Variants in CDH3 observed in about 807,000 individuals in gnomAD.
CDH3 encodes cadherin-3.
CDH3 carries 54 observed loss-of-function variants against 82.0 expected under a neutral mutation model. The ratio of observed to expected loss-of-function variants is 0.66; its 90% CI spans 0.53 to 0.83. The LOEUF is 0.83. CDH3 is among the 40% of genes least tolerant of loss of function. The pLI, the probability that CDH3 is intolerant of heterozygous loss-of-function variation, is 0.00. For missense variants in CDH3, 1,054 were observed against 1,084.6 expected (o/e 0.97, Z 0.40); for synonymous variants, 446 against 437.9 (o/e 1.02, Z -0.23).
chr16:68,653,195 A>G (rs1960298635), intron 2 of CDH3, among the ~76,000 whole-genome samples: 1 of 151,932 alleles, frequency 6.6e-6, no homozygotes, highest in Non-Finnish European at 1.5e-5. Context: ...CCCTATGCTA[A>G]GAGACAGCAA....
chr16:68,701,588 G>A (rs527420945), downstream of CDH3, among the ~76,000 whole-genome samples: 14 of 146,472 alleles, frequency 9.6e-5, 1 homozygote, highest in African/African-American at 3.0e-4. Context: ...CTCTCCCCCC[G>A]GGGCTAGAGT....
At chr16:68,677,476 G>A (rs775294718) in intron 3 of CDH3, among the ~76,000 whole-genome samples, 9 of 152,180 alleles carry the variant, frequency 5.9e-5, no homozygotes, top group African/African-American at 1.4e-4. Flanking sequence ...GGTGGCTCAC[G>A]CGTGTAATCC....
chr16:68,726,294 A>C (rs915362992), intron 2 of CDH3, among the ~76,000 whole-genome samples: 2 of 152,218 alleles, frequency 1.3e-5, no homozygotes, highest in African/African-American at 4.8e-5. Context: ...AGCCCTGGTC[A>C]CCTGCTCCCC....
intron 1 of CDH3, among the ~76,000 whole-genome samples, chr16:68,715,732 T>C (rs1436207410): frequency 6.6e-6 from 1 of 152,222 alleles, no homozygotes; most frequent in Non-Finnish European, 1.5e-5. Flanking sequence ...TTAACATTGC[T>C]TTGCTGATGA....
At chr16:68,659,956 A>G (rs1021111482) in intron 2 of CDH3, among the ~76,000 whole-genome samples, 3 of 152,304 alleles carry the variant, frequency 2.0e-5, no homozygotes, top group Admixed American at 1.3e-4. Flanking sequence ...ATACACATCT[A>G]TCTTGTTTTT....
intron 1 of CDH3, among the ~76,000 whole-genome samples, chr16:68,718,980 C>A (rs1283487746): frequency 6.6e-6 from 1 of 151,980 alleles, no homozygotes; most frequent in Non-Finnish European, 1.5e-5. Flanking sequence ...GGCTCCCTCA[C>A]GCCTGTAATC....
chr16:68,657,417 G>A (rs1960434840), intron 2 of CDH3, among the ~76,000 whole-genome samples: 1 of 152,192 alleles, frequency 6.6e-6, no homozygotes, highest in African/African-American at 2.4e-5. Context: ...GGGAGGCTGA[G>A]GTAGAAGAAT....
chr16:68,684,633 C>A lies in CDH3; in HGVS notation c.1233C>A (p.Thr411=), dbSNP rs1961347311. The A allele has an allele frequency of 6.2e-7, 1 of 1,614,054 alleles. No homozygotes were observed. Among genetic ancestry groups the A allele is most frequent in the Non-Finnish European group, 8.5e-7 (1 of 1,180,024 alleles). ...AGCACACCCTGTACGTTGAAGTGAC[C>A]AACGAGGCCCCTTTTGTGCTGAAGC... ...KNQHTLYVEV[T]NEAPFVLKLP... Residue 411 remains threonine (T), a synonymous_variant, in exon 10 of 16, where the codon ACC becomes ACA. Coordinates refer to ENST00000264012, the MANE Select transcript of CDH3 (RefSeq NM_001793.6).
chr16:68,695,726 G>T, intron 14 of CDH3, 51 bp from the exon 15 acceptor site: 1 of 1,602,472 alleles, frequency 6.2e-7, no homozygotes, highest in Non-Finnish European at 8.5e-7. Flanking sequence ...AGTGGCAGGG[G>T]AGTGGGGGAC....
downstream of CDH3, among the ~76,000 whole-genome samples, chr16:68,702,010 G>T (rs995912647): frequency 2.0e-4 from 31 of 151,770 alleles, no homozygotes; most frequent in African/African-American, 7.3e-4. Flanking sequence ...GGCAACAAGA[G>T]TGAAACTCCA....
intron 1 of CDH3, among the ~76,000 whole-genome samples, chr16:68,720,784 C>T (rs948959944): frequency 6.6e-6 from 1 of 151,996 alleles, no homozygotes; most frequent in Middle Eastern, 3.4e-3. Context: ...ACCACGCCGA[C>T]TAATTTTTGT....
Position 68,695,374 on chromosome 16 carries a change from G to T in CDH3, c.2122G>T (p.Glu708Ter). 1 of 1,611,588 alleles carries T rather than the reference G, an allele frequency of 6.2e-7. No individual in the cohort carries two copies. The change falls in exon 14 of 16, where the codon GAA becomes TAA. Residue 708 changes from glutamate to a stop codon, truncating the protein, a stop_gained. Coordinates refer to ENST00000264012, the MANE Select transcript of CDH3 (RefSeq NM_001793.6). LOFTEE classifies it high-confidence loss of function. The stretch of plus-strand genomic sequence containing the variant: ...CTACTATGGCGAAGAGGGGGGTGGC[G>T]AAGAGGACCAGGTGGGGCACTGGGG... ...VFYYGEEGGGEEDQDYDITQL... is the reference protein window; with the variant it reads ...VFYYGEEGGG
At position 68,669,494 on chromosome 16, in the gene CDH3, T is replaced by C. The variant is rs114826418; in HGVS notation, c.161-6891T>C. 1.0e-2 allele frequency among the ~76,000 whole-genome samples: 1,515 copies of C among 152,046 alleles called. 31 individuals are homozygous for C. Among genetic ancestry groups the C allele is most frequent in the African/African-American group, 0.034 (1,424 of 41,458 alleles). On this transcript the variant is annotated intron_variant, in intron 2 of 15. Transcript: ENST00000264012. ...CAGCCCAGATACTGTGCTACAAATA[T>C]GTGGAACCATGTAACAGTGGAAATA... is the stretch of plus-strand genomic sequence containing the variant.
chr16:68,694,711 G>A (rs769201675), intron 13 of CDH3, among the ~76,000 whole-genome samples: 8 of 152,064 alleles, frequency 5.3e-5, no homozygotes, highest in Non-Finnish European at 1.2e-4. Flanking sequence ...TGTTCTTGAA[G>A]TCTGTGGCTA....
At chr16:68,663,446 G>A (rs1413637135) in intron 2 of CDH3, among the ~76,000 whole-genome samples, 1 of 147,912 alleles carries the variant, frequency 6.8e-6, no homozygotes, top group African/African-American at 2.5e-5. Context: ...ACGTTAGCCA[G>A]GATGGTCTCG....
At chr16:68,696,300 TC>T in intron 15 of CDH3, 1 of 342,114 alleles carries the variant, frequency 2.9e-6, no homozygotes, top group Non-Finnish European at 5.8e-6. Context: ...GCACCTGTAG[TC>T]CCAGCTACTC....
intron 2 of CDH3, among the ~76,000 whole-genome samples, chr16:68,646,506 C>G (rs905332749): frequency 7.2e-6 from 1 of 139,686 alleles, no homozygotes; most frequent in South Asian, 2.6e-4. Context: ...ACTCCTACCC[C>G]CCCCCTCCCC....
chr16:68,665,300 C>G (rs988254276), intron 2 of CDH3, among the ~76,000 whole-genome samples: 1 of 151,800 alleles, frequency 6.6e-6, no homozygotes, highest in Non-Finnish European at 1.5e-5. Flanking sequence ...CCCAGCTACT[C>G]GGGAGGCTGA....
intron 12 of CDH3, among the ~76,000 whole-genome samples, chr16:68,690,906 CA>C (rs1172746288): frequency 6.6e-6 from 1 of 151,578 alleles, no homozygotes; most frequent in Non-Finnish European, 1.5e-5. Context: ...GACTTAGTCT[CA>C]AAAAAATTGA....
Sources: gnomAD v4.1 joint callset for allele counts (sites outside exome capture counted in the v4.1 genomes callset) on GRCh38, gnomAD v4.1.1 for gene constraint, MANE v1.5 for transcripts, NCBI Gene and HGNC (gene_info 2026-07-23, HGNC 2026-07-21) for gene names.